Variants in KDM6A observed in about 807,000 individuals in gnomAD.
KDM6A encodes lysine demethylase 6A.
Under a neutral mutation model 117.6 loss-of-function variants are expected in KDM6A, and 11 were observed. The ratio of observed to expected loss-of-function variants is 0.09; its 90% CI spans 0.06 to 0.15. KDM6A has a LOEUF of 0.15. Ranked by LOEUF, KDM6A falls within the 10% of genes least tolerant of loss-of-function variation. The pLI, the probability that KDM6A is intolerant of heterozygous loss-of-function variation, is 1.00. For missense variants in KDM6A, 799 were observed against 1,077.3 expected (o/e 0.74, Z 3.62); for synonymous variants, 384 against 396.1 (o/e 0.97, Z 0.36).
At chrX:45,032,477 A>G (rs755622749) in intron 6 of KDM6A, among the ~76,000 whole-genome samples, 3 of 112,220 alleles carry the variant, frequency 2.7e-5, no homozygotes, top group Non-Finnish European at 5.6e-5. Context: ...AGTTTCTTAT[A>G]AACACTTAGT....
chrX:44,966,745 T>C (rs1394057504), intron 3 of KDM6A, among the ~76,000 whole-genome samples: 1 of 111,117 alleles, frequency 9.0e-6, no homozygotes, highest in East Asian at 2.8e-4. Flanking sequence ...ATGTATTCAG[T>C]ATATTTTAAT....
intron 9 of KDM6A, 125 bp downstream of exon 9, chrX:45,051,927 A>T: frequency 2.2e-6 from 1 of 450,715 alleles, no homozygotes; most frequent in Non-Finnish European, 3.9e-6. Context: ...AATTATTCTG[A>T]ACCCAGCATA....
intron 28 of KDM6A, among the ~76,000 whole-genome samples, chrX:45,108,202 G>A (rs917150842): frequency 2.7e-5 from 3 of 111,440 alleles, no homozygotes; most frequent in African/African-American, 6.5e-5. Context: ...GACTAAAAAA[G>A]TGATGAGAAT....
At chrX:45,054,008 T>G in intron 10 of KDM6A, 53 bp downstream of exon 10, 2 of 1,129,286 alleles carry the variant, frequency 1.8e-6, no homozygotes. Flanking sequence ...GCTAAGAGAT[T>G]TGAATTACAA....
At chrX:44,899,622 C>T (rs1051801862) in intron 2 of KDM6A, among the ~76,000 whole-genome samples, 2 of 110,137 alleles carry the variant, frequency 1.8e-5, no homozygotes, top group Admixed American at 9.8e-5. Context: ...GGTGGCAATA[C>T]GAAAACCCAG....
intron 21 of KDM6A, among the ~76,000 whole-genome samples, chrX:45,081,322 G>C (rs1435818624): frequency 8.9e-6 from 1 of 112,146 alleles, no homozygotes; most frequent in Non-Finnish European, 1.9e-5. Context: ...TAAAGGAATG[G>C]AAGCCAAAGG....
At chrX:45,005,933 A>C in intron 4 of KDM6A, among the ~76,000 whole-genome samples, 2 of 89,658 alleles carry the variant, frequency 2.2e-5, no homozygotes, top group Non-Finnish European at 2.2e-5. Context: ...AGCCACCCCA[A>C]CCAAGGAGTA....
chrX:45,107,899 G>C (rs1055264492), intron 28 of KDM6A, among the ~76,000 whole-genome samples: 2 of 111,592 alleles, frequency 1.8e-5, no homozygotes, highest in African/African-American at 3.3e-5. Context: ...AGTCCTCTCT[G>C]GTGCAATTAA....
At chrX:45,001,122 T>G (rs1388073239) in intron 4 of KDM6A, among the ~76,000 whole-genome samples, 1 of 111,778 alleles carries the variant, frequency 8.9e-6, no homozygotes, top group Non-Finnish European at 1.9e-5. Context: ...GAAGGAGGCT[T>G]AGAGGAAGGT....
chrX:45,032,026 A>G (rs188269706), intron 6 of KDM6A, among the ~76,000 whole-genome samples: 131 of 111,211 alleles, frequency 1.2e-3, no homozygotes, highest in Admixed American at 1.8e-3. Flanking sequence ...GAAAATCTCT[A>G]TAACATTAAA....
Position 44,987,767 on chromosome X carries a change from T to C in KDM6A, c.384+13052T>C, listed in dbSNP as rs751788416. 8.0e-3 allele frequency among the ~76,000 whole-genome samples: 894 copies of C among 111,940 alleles called. 4 individuals carry two copies. Among genetic ancestry groups the C allele is most frequent in the Non-Finnish European group, 0.012 (621 of 53,216 alleles). On this transcript the variant is annotated intron_variant, in intron 4 of 29. Coordinates refer to ENST00000611820, the MANE Select transcript of KDM6A (RefSeq NM_001291415.2). ...CTCTTCTGGCTTGTATAGTTTCTGC[T>C]GAGAGATCAGCTGTTAGTCTGATGG...
At position 45,041,786 on chromosome X, in the gene KDM6A, A is replaced by G. The variant is rs368778326; in HGVS notation, c.654+4097A>G. Among the ~76,000 whole-genome samples, 4 of 105,670 alleles carry G rather than the reference A, an allele frequency of 3.8e-5. No individual in the cohort carries two copies. The East Asian group carries it at 1.2e-3, about 33-fold the overall frequency. 91.8% of individuals were successfully genotyped at this position (105,670 alleles called of 115,157 possible). On this transcript the variant is annotated intron_variant, in intron 8 of 29. Transcript: ENST00000611820. ...TTCCAGACTGGGCAGCCAGGCAGAG[A>G]GGCTCCTCATATCCCAGACGATGGG...
At chrX:44,930,705 G>A (rs1474774631) in intron 2 of KDM6A, among the ~76,000 whole-genome samples, 1 of 111,888 alleles carries the variant, frequency 8.9e-6, no homozygotes, top group Non-Finnish European at 1.9e-5. Context: ...AAGTATTTTG[G>A]TTAAGTTGAA....
intron 7 of KDM6A, among the ~76,000 whole-genome samples, chrX:45,035,761 G>A (rs755743995): frequency 2.5e-3 from 276 of 109,331 alleles, no homozygotes; most frequent in African/African-American, 8.7e-3. Flanking sequence ...GTGCAGTGGC[G>A]CGATTTTGGC....
At chrX:44,934,979 G>T (rs1230760952) in intron 2 of KDM6A, among the ~76,000 whole-genome samples, 1 of 111,758 alleles carries the variant, frequency 8.9e-6, no homozygotes, top group African/African-American at 3.3e-5. Flanking sequence ...GTTCGGTAGT[G>T]TTATATCACG....
At chrX:44,985,528 A>G (rs1408432492) in intron 4 of KDM6A, among the ~76,000 whole-genome samples, 1 of 111,630 alleles carries the variant, frequency 9.0e-6, no homozygotes, top group Admixed American at 9.6e-5. Context: ...CCCATTCAGT[A>G]TGATATTGGC....
Position 45,082,650 on chromosome X carries a change from T to C in KDM6A, c.3365+10T>C, listed in dbSNP as rs1226736852. 8.5e-7 allele frequency: 1 copy of C among 1,175,712 alleles called. No individual in the cohort carries two copies. The highest frequency in any genetic ancestry group is 1.8e-5 in the South Asian group (1 of 56,126). On this transcript the variant is annotated intron_variant, in intron 22 of 29. Coordinates refer to ENST00000611820, the MANE Select transcript of KDM6A (RefSeq NM_001291415.2). ...CTACATCGTCAGATAAGTAAGTCAT[T>C]TTTAATGTCCACTTAGTATTTCTTT...
chrX:45,026,656 G>T (rs1250290560), intron 6 of KDM6A, among the ~76,000 whole-genome samples: 1 of 101,883 alleles, frequency 9.8e-6, no homozygotes, highest in Non-Finnish European at 2.0e-5. Context: ...GAGAAATCCC[G>T]TCTCTACTAA....
At chrX:45,063,358 C>A in intron 16 of KDM6A, 64 bp from the exon 17 acceptor site, 3 of 1,044,928 alleles carry the variant, frequency 2.9e-6, no homozygotes, top group Non-Finnish European at 4.0e-6. Flanking sequence ...AGAGAATCCC[C>A]TATAGATTCT....
Sources: gnomAD v4.1 joint callset for allele counts (sites outside exome capture counted in the v4.1 genomes callset) on GRCh38, gnomAD v4.1.1 for gene constraint, MANE v1.5 for transcripts, NCBI Gene and HGNC (gene_info 2026-07-23, HGNC 2026-07-21) for gene names.